The following NRG3 variants were observed in gnomAD, a reference collection of about 807,000 sequenced individuals.
The protein encoded by NRG3 is neuregulin 3, also known as pro-neuregulin-3, membrane-bound isoform.
In NRG3, 31 loss-of-function variants were observed where a neutral mutation model predicts 66.9. The ratio of observed to expected loss-of-function variants is 0.46; its 90% CI spans 0.35 to 0.63. The LOEUF is 0.63. NRG3 is among the 20% of genes least tolerant of loss of function. The probability of loss-of-function intolerance (pLI) is 0.00; values close to 1 mark genes in which losing one functional copy is unlikely to be tolerated. For synonymous variants in NRG3, 393 were observed against 359.4 expected, an observed-to-expected ratio of 1.09 and a Z score of -1.06; for missense variants, 910 against 878.9, an observed-to-expected ratio of 1.04 and a Z score of -0.45.
intron 2 of NRG3, among the ~76,000 whole-genome samples, chr10:82,679,451 A>G: frequency 6.6e-6 from 1 of 152,362 alleles, no homozygotes; most frequent in African/African-American, 2.4e-5. Flanking sequence ...ATATAATAAT[A>G]TAATAGTTAA....
At chr10:82,918,065 G>A (rs1464481364) in intron 4 of NRG3, among the ~76,000 whole-genome samples, 2 of 148,696 alleles carry the variant, frequency 1.3e-5, no homozygotes, top group Non-Finnish European at 3.0e-5. Flanking sequence ...CCTGGGATTT[G>A]TCTTAAAACA....
At chr10:82,403,018 C>T (rs575581016) in intron 2 of NRG3, among the ~76,000 whole-genome samples, 41 of 152,234 alleles carry the variant, frequency 2.7e-4, no homozygotes, top group African/African-American at 7.2e-4. Flanking sequence ...TCTATGTGAT[C>T]TTTGCAAAAA....
intron 1 of NRG3, among the ~76,000 whole-genome samples, chr10:82,003,117 G>T (rs1401037494): frequency 2.6e-5 from 4 of 152,148 alleles, no homozygotes; most frequent in Non-Finnish European, 5.9e-5. Flanking sequence ...AGGTCATGCT[G>T]ATTAATTGCA....
At chr10:81,910,679 G>C (rs1845048933) in intron 1 of NRG3, among the ~76,000 whole-genome samples, 2 of 152,028 alleles carry the variant, frequency 1.3e-5, no homozygotes, top group Admixed American at 6.6e-5. Flanking sequence ...ATAGTGTCTT[G>C]ATCTCTTATG....
intron 2 of NRG3, among the ~76,000 whole-genome samples, chr10:82,623,944 T>G (rs1014626731): frequency 4.6e-5 from 7 of 152,102 alleles, no homozygotes; most frequent in Non-Finnish European, 1.0e-4. Context: ...TGTTGCCAGA[T>G]CAACACTTTC....
At chr10:82,403,609 A>T (rs2087275353) in intron 2 of NRG3, among the ~76,000 whole-genome samples, 1 of 152,200 alleles carries the variant, frequency 6.6e-6, no homozygotes, top group African/African-American at 2.4e-5. Context: ...GATATAAAAT[A>T]AAGATAGTTT....
At chr10:82,015,566 A>G (rs2224116) in intron 1 of NRG3, among the ~76,000 whole-genome samples, 120,592 of 151,910 alleles carry the variant, frequency 0.79, 48,113 homozygotes, top group African/African-American at 0.85. Flanking sequence ...CATATGGTGA[A>G]TTCTCATGAG....
intron 2 of NRG3, among the ~76,000 whole-genome samples, chr10:82,693,515 G>A (rs956285599): frequency 4.6e-5 from 7 of 152,320 alleles, no homozygotes; most frequent in South Asian, 2.1e-4. Flanking sequence ...CGGTGTGACT[G>A]TGTGTGAGTT....
intron 1 of NRG3, among the ~76,000 whole-genome samples, chr10:82,059,667 C>T (rs2064031427): frequency 6.6e-6 from 1 of 152,142 alleles, no homozygotes; most frequent in Admixed American, 6.5e-5. Context: ...ATGATCGGCG[C>T]TATGTCAGTG....
chr10:82,136,036 T>G (rs866214144), intron 1 of NRG3, among the ~76,000 whole-genome samples: 1 of 152,170 alleles, frequency 6.6e-6, no homozygotes, highest in South Asian at 2.1e-4. Flanking sequence ...TAAGTTTTTT[T>G]GTCACTGCAA....
At chr10:81,972,878 G>T (rs1396884072) in intron 1 of NRG3, among the ~76,000 whole-genome samples, 1 of 152,068 alleles carries the variant, frequency 6.6e-6, no homozygotes, top group Non-Finnish European at 1.5e-5. Flanking sequence ...TAATTTAATT[G>T]CATCATTAAT....
chr10:81,877,713 C>A, intron 1 of NRG3: 1 of 1,330,872 alleles, frequency 7.5e-7, no homozygotes, highest in East Asian at 3.0e-5. Context: ...AAGGAATCTG[C>A]CACAAACCAG....
chr10:82,605,765 T>C (rs960943273), intron 2 of NRG3, among the ~76,000 whole-genome samples: 111 of 152,220 alleles, frequency 7.3e-4, no homozygotes, highest in African/African-American at 2.5e-3. Flanking sequence ...CAGATGGTAT[T>C]AATTATTGAT....
chr10:82,719,607 A>T (rs2057177342), intron 2 of NRG3, among the ~76,000 whole-genome samples: 1 of 152,106 alleles, frequency 6.6e-6, no homozygotes, highest in African/African-American at 2.4e-5. Context: ...TTCACTTCCA[A>T]CAGCAGCTAG....
At chr10:82,527,974 A>G (rs1017523511) in intron 2 of NRG3, among the ~76,000 whole-genome samples, 5 of 152,076 alleles carry the variant, frequency 3.3e-5, no homozygotes, top group Non-Finnish European at 7.4e-5. Flanking sequence ...GCTGGCTTAT[A>G]CATTGTTGGA....
At chr10:82,689,193 T>C (rs1475926336) in intron 2 of NRG3, among the ~76,000 whole-genome samples, 1 of 152,124 alleles carries the variant, frequency 6.6e-6, no homozygotes, top group African/African-American at 2.4e-5. Flanking sequence ...CTTGATTTTT[T>C]GAGAGGAAAA....
At chr10:82,216,523 CATAT>C (rs142537406) in intron 1 of NRG3, among the ~76,000 whole-genome samples, 2 of 144,698 alleles carry the variant, frequency 1.4e-5, no homozygotes, top group African/African-American at 5.2e-5. Context: ...CATATATGCA[CATAT>C]ATGTGTGTGT....
At chr10:82,387,117 T>C (rs1049543435) in intron 2 of NRG3, among the ~76,000 whole-genome samples, 1 of 152,232 alleles carries the variant, frequency 6.6e-6, no homozygotes, top group African/African-American at 2.4e-5. Flanking sequence ...GCTTTTCCAA[T>C]ACACCATGTC....
intron 3 of NRG3, chr10:82,843,131 T>C: frequency 2.5e-6 from 1 of 393,104 alleles, no homozygotes; most frequent in Non-Finnish European, 5.2e-6. Flanking sequence ...ACTACTGTAT[T>C]AGACTCTGAA....
Sources: gnomAD v4.1 joint callset for allele counts (sites outside exome capture counted in the v4.1 genomes callset) on GRCh38, gnomAD v4.1.1 for gene constraint, MANE v1.5 for transcripts, NCBI Gene and HGNC (gene_info 2026-07-23, HGNC 2026-07-21) for gene names.